MLLT3: variants seen among roughly 807,000 people sequenced by gnomAD.
MLLT3 encodes the protein MLLT3 super elongation complex subunit.
Under a neutral mutation model 53.2 loss-of-function variants are expected in MLLT3, and 4 were observed. The ratio of observed to expected loss-of-function variants is 0.08; its 90% CI spans 0.04 to 0.17. The LOEUF is 0.17. Ranked by LOEUF, MLLT3 falls within the 10% of genes least tolerant of loss-of-function variation. The probability of loss-of-function intolerance (pLI) is 1.00; values close to 1 mark genes in which losing one functional copy is unlikely to be tolerated. For missense variants in MLLT3, 569 were observed against 684.0 expected (o/e 0.83, Z 1.87); for synonymous variants, 283 against 230.6 (o/e 1.23, Z -2.06).
chr9:20,376,272 A>T (rs557995143), intron 5 of MLLT3, among the ~76,000 whole-genome samples: 1 of 152,250 alleles, frequency 6.6e-6, no homozygotes, highest in South Asian at 2.1e-4. Flanking sequence ...GTATTACGAC[A>T]ACTTGAATGA....
At chr9:20,488,244 T>C (rs1824861346) in intron 2 of MLLT3, among the ~76,000 whole-genome samples, 3 of 152,156 alleles carry the variant, frequency 2.0e-5, no homozygotes, top group Admixed American at 6.5e-5. Flanking sequence ...GGTAGAAACT[T>C]CCAGCTTGGG....
intron 2 of MLLT3, among the ~76,000 whole-genome samples, chr9:20,598,303 C>T (rs774575350): frequency 3.6e-4 from 55 of 152,292 alleles, no homozygotes; most frequent in Non-Finnish European, 5.9e-4. Flanking sequence ...CAAAAAACTC[C>T]GTTCCTACCA....
chr9:20,590,717 T>C (rs1400929763), intron 2 of MLLT3, among the ~76,000 whole-genome samples: 1 of 152,110 alleles, frequency 6.6e-6, no homozygotes, highest in Non-Finnish European at 1.5e-5. Flanking sequence ...AGTGTGAAAA[T>C]GAACTAATAC....
chr9:20,363,776 G>C (rs1821383624), intron 6 of MLLT3, among the ~76,000 whole-genome samples, 171 bp from the exon 7 acceptor site: 1 of 152,000 alleles, frequency 6.6e-6, no homozygotes, highest in African/African-American at 2.4e-5. Flanking sequence ...TGCAATCTCT[G>C]CCAAAACACT....
intron 2 of MLLT3, among the ~76,000 whole-genome samples, chr9:20,541,793 G>A (rs549189782): frequency 2.0e-5 from 3 of 152,170 alleles, no homozygotes; most frequent in African/African-American, 7.2e-5. Context: ...GTTTTATCAT[G>A]AGATTGCCGA....
rs558856516 is a variant in MLLT3, at chr9:20,521,924, A to G, written c.194-65138T>C. On this transcript the variant is annotated intron_variant, in intron 2 of 10. Coordinates refer to ENST00000380338, the MANE Select transcript of MLLT3 (RefSeq NM_004529.4). ...AAAAGAAGAGGAAAGAATGAAGAAG[A>G]AAACAAGAAATGTAATAGGAACTAA... Among the ~76,000 whole-genome samples, 70 of 152,324 alleles carry G rather than the reference A, an allele frequency of 4.6e-4. 1 individual carries two copies. The highest frequency in any genetic ancestry group is 1.7e-3 in the African/African-American group (70 of 41,578).
intron 2 of MLLT3, among the ~76,000 whole-genome samples, chr9:20,570,830 A>C (rs1346974807): frequency 6.7e-6 from 1 of 150,086 alleles, no homozygotes; most frequent in East Asian, 1.9e-4. Context: ...ATATTTTCTT[A>C]CTTTTTTTGA....
At chr9:20,467,373 AAGG>A (rs1322867025) in intron 2 of MLLT3, among the ~76,000 whole-genome samples, 2 of 152,084 alleles carry the variant, frequency 1.3e-5, no homozygotes, top group African/African-American at 2.4e-5. Flanking sequence ...AGGTCAAGAG[AAGG>A]AGAACATCCT....
Position 20,548,664 on chromosome 9 carries a change from T to C in MLLT3, c.193+71990A>G, listed in dbSNP as rs146729794. On this transcript the variant is annotated intron_variant, in intron 2 of 10. Coordinates refer to ENST00000380338, the MANE Select transcript of MLLT3 (RefSeq NM_004529.4). The stretch of plus-strand genomic sequence containing the variant: ...AAGTCATCCCCTGTCCCAGGTGTAA[T>C]CTCTTCTGCGGGCTCTGGGCAGCAG... Among the ~76,000 whole-genome samples the C allele has an allele frequency of 1.2e-3, 189 of 152,250 alleles. 1 individual carries two copies. Among genetic ancestry groups the C allele is most frequent in the African/African-American group, 4.2e-3 (176 of 41,532 alleles).
chr9:20,550,413 G>A (rs1314714067), intron 2 of MLLT3, among the ~76,000 whole-genome samples: 4 of 151,392 alleles, frequency 2.6e-5, no homozygotes, highest in South Asian at 2.1e-4. Flanking sequence ...GGTGCCATTC[G>A]TTTCACTGTG....
chr9:20,425,852 G>T (rs963995022), intron 4 of MLLT3, among the ~76,000 whole-genome samples: 8 of 151,838 alleles, frequency 5.3e-5, no homozygotes, highest in African/African-American at 1.9e-4. Flanking sequence ...TTGTTCTAAA[G>T]AATTTAAGGT....
chr9:20,541,703 C>T (rs77847307), intron 2 of MLLT3, among the ~76,000 whole-genome samples: 2,425 of 152,310 alleles, frequency 0.016, 53 homozygotes, highest in African/African-American at 0.053. Flanking sequence ...GACATAGAGC[C>T]AAACCCTATC....
chr9:20,480,071 G>C (rs542598204), intron 2 of MLLT3, among the ~76,000 whole-genome samples: 1 of 152,322 alleles, frequency 6.6e-6, no homozygotes, highest in East Asian at 1.9e-4. Context: ...ACAAATACTA[G>C]AGGTATTCTA....
At chr9:20,384,910 G>T (rs1821996377) in intron 5 of MLLT3, among the ~76,000 whole-genome samples, 1 of 152,044 alleles carries the variant, frequency 6.6e-6, no homozygotes, top group Non-Finnish European at 1.5e-5. Context: ...CCCTCCTGGG[G>T]CTTCTGAAGT....
chr9:20,505,361 T>C (rs1017836378), intron 2 of MLLT3, among the ~76,000 whole-genome samples: 1 of 152,218 alleles, frequency 6.6e-6, no homozygotes. Flanking sequence ...TTCATCATGG[T>C]GATCACCTTA....
intron 5 of MLLT3, among the ~76,000 whole-genome samples, chr9:20,404,111 G>A (rs990709752): frequency 3.9e-5 from 6 of 152,172 alleles, no homozygotes; most frequent in East Asian, 3.8e-4. Flanking sequence ...GTGAACCACC[G>A]CGCCCAGTCA....
intron 2 of MLLT3, among the ~76,000 whole-genome samples, chr9:20,492,721 A>G (rs1202306257): frequency 6.6e-6 from 1 of 151,982 alleles, no homozygotes; most frequent in Non-Finnish European, 1.5e-5. Context: ...TAAATATCTA[A>G]GCAAAAGAAT....
chr9:20,517,740 G>A (rs1817952218), intron 2 of MLLT3, among the ~76,000 whole-genome samples: 1 of 152,122 alleles, frequency 6.6e-6, no homozygotes, highest in South Asian at 2.1e-4. Flanking sequence ...GGGAAGCTGA[G>A]GCAGAAAAAT....
intron 2 of MLLT3, among the ~76,000 whole-genome samples, chr9:20,534,554 T>C (rs1411798300): frequency 6.6e-6 from 1 of 152,162 alleles, no homozygotes; most frequent in Non-Finnish European, 1.5e-5. Context: ...TTCTAACTAT[T>C]CTCCTCAATA....
Sources: allele counts gnomAD v4.1 joint callset (sites outside exome capture counted in the v4.1 genomes callset), GRCh38; gene constraint gnomAD v4.1.1; transcripts MANE v1.5; gene names NCBI Gene and HGNC (gene_info 2026-07-23, HGNC 2026-07-21).